Variants in CISTR observed in about 807,000 individuals in gnomAD.
CISTR encodes chondrogenic regulator lncRNA.
chr12:53,755,333 G>GTA (rs1316184827), intron 1 of CISTR, among the ~76,000 whole-genome samples: 4 of 151,972 alleles, frequency 2.6e-5, no homozygotes, highest in Non-Finnish European at 5.9e-5. Context: ...GTGTGTGTGT[G>GTA]TGTGTGTGTG....
intron 2 of CISTR, among the ~76,000 whole-genome samples, chr12:53,747,445 C>T (rs1593109279): frequency 6.6e-6 from 1 of 152,146 alleles, no homozygotes; most frequent in East Asian, 1.9e-4. Context: ...GGCCAAGCTC[C>T]GTGGGGGTGG....
In CISTR at chr12:53,751,550, C is replaced by T. The variant is rs956828426; in HGVS notation, n.415-585G>A. Among the ~76,000 whole-genome samples, 2 of 152,186 alleles carry T rather than the reference C, an allele frequency of 1.3e-5. No individual in the cohort carries two copies. The highest frequency in any genetic ancestry group is 1.3e-4 in the Admixed American group (2 of 15,288). ...AGCTAAACGAGGCGCGCAGGACTCC[C>T]TGGTGGGCCCTCAGCCTCCTCCGCG... On this transcript the variant is annotated intron_variant and non_coding_transcript_variant, in intron 1 of 2. Transcript: ENST00000669269. This position sits in a 1 kb window ranked among gnomAD's most constrained non-coding sequence, Gnocchi z 4.6.
At chr12:53,747,427 A>G (rs1178291740) in intron 2 of CISTR, among the ~76,000 whole-genome samples, 3 of 151,772 alleles carry the variant, frequency 2.0e-5, no homozygotes, top group Admixed American at 2.0e-4. Flanking sequence ...TGGGGGAGAA[A>G]CCCAGTGGGC....
chr12:53,749,623 C>T (rs1815069041), intron 2 of CISTR, among the ~76,000 whole-genome samples: 1 of 152,032 alleles, frequency 6.6e-6, no homozygotes, highest in Non-Finnish European at 1.5e-5. Flanking sequence ...TCTCCTTTAA[C>T]ATAGCAGGTT....
chr12:53,752,107 AC>A (rs1937859338), intron 1 of CISTR, among the ~76,000 whole-genome samples: 1 of 149,276 alleles, frequency 6.7e-6, no homozygotes, highest in Non-Finnish European at 1.5e-5. Context: ...CGCTGCCTAC[AC>A]CCCCTTGGGC....
intron 1 of CISTR, among the ~76,000 whole-genome samples, chr12:53,752,029 C>A (rs1009382582): frequency 6.6e-6 from 1 of 152,066 alleles, no homozygotes; most frequent in Admixed American, 6.5e-5. Flanking sequence ...ACTTTCTCCG[C>A]CCCGCACCGC....
rs1479670562 is a variant in CISTR at position 53,756,116 on chromosome 12, G to T, written n.414+698C>A. Among the ~76,000 whole-genome samples the T allele has an allele frequency of 2.0e-5, 3 of 152,134 alleles. No individual in the cohort carries two copies. Among genetic ancestry groups the T allele is most frequent in the Admixed American group, 2.0e-4 (3 of 15,278 alleles). On this transcript the variant is annotated intron_variant and non_coding_transcript_variant, in intron 1 of 2. Coordinates refer to ENST00000669269, the Ensembl canonical transcript of CISTR. This position sits in a 1 kb window ranked among gnomAD's most constrained non-coding sequence, Gnocchi z 4.0. ...ATTTCCTGTGGCCTTTTCATTTCCT[G>T]CTGGGGGTTGTGGAGAGCAATAAGC...
intron 1 of CISTR, among the ~76,000 whole-genome samples, chr12:53,753,665 GGTGTGTGTGTGT>G (rs55769002): frequency 7.4e-4 from 104 of 141,312 alleles, no homozygotes; most frequent in East Asian, 1.9e-3. Context: ...AATGCATAGG[GGTGTGTGTGTGT>G]GTGTGTGTGT....
At chr12:53,752,759 G>C (rs1359476488) in intron 1 of CISTR, among the ~76,000 whole-genome samples, 1 of 152,198 alleles carries the variant, frequency 6.6e-6, no homozygotes, top group Admixed American at 6.5e-5. Flanking sequence ...TGCAAGAAGT[G>C]CTGCTGAGTG....
Position 53,751,967 on chromosome 12 carries a change from C to G in CISTR, n.415-1002G>C, listed in dbSNP as rs1374546101. On this transcript the variant is annotated intron_variant and non_coding_transcript_variant, in intron 1 of 2. Coordinates refer to ENST00000669269, the Ensembl canonical transcript of CISTR. The surrounding 1 kb of genome is among the most constrained non-coding windows in gnomAD (Gnocchi z 4.6). ...TTTTGCCGCAGTCTCCGTCTCTCTTCCACAGGGTCTCTCCCTCCCCCTCTC... is the reference window on the plus strand; with the variant it reads ...TTTTGCCGCAGTCTCCGTCTCTCTTGCACAGGGTCTCTCCCTCCCCCTCTC... The G allele has an allele frequency of 6.5e-6, 1 of 153,464 alleles. No homozygotes were observed. The highest frequency in any genetic ancestry group is 6.5e-5 in the Admixed American group (1 of 15,268). 9.5% of individuals were successfully genotyped at this position (153,464 alleles called of 1,614,324 possible). A position where few individuals can be genotyped will look rare whatever the true frequency, so the allele number is the denominator to read the frequency against.
chr12:53,753,706 G>A (rs1025466195), intron 1 of CISTR, among the ~76,000 whole-genome samples: 1 of 135,308 alleles, frequency 7.4e-6, no homozygotes, highest in East Asian at 2.1e-4. Flanking sequence ...GTGTGTGTAT[G>A]TGTGTGTGTC....
intron 1 of CISTR, among the ~76,000 whole-genome samples, chr12:53,755,580 C>T (rs745562727): frequency 9.0e-5 from 12 of 133,258 alleles, no homozygotes; most frequent in Non-Finnish European, 1.9e-4. Flanking sequence ...AATGGAATGA[C>T]CCAGCTCCTG....
At chr12:53,755,113 T>A (rs965668782) in intron 1 of CISTR, among the ~76,000 whole-genome samples, 1 of 152,208 alleles carries the variant, frequency 6.6e-6, no homozygotes, top group Non-Finnish European at 1.5e-5. Flanking sequence ...TGCTATGTGA[T>A]CCTTGAGCAG....
chr12:53,749,261 G>T (rs1565658595), intron 2 of CISTR, among the ~76,000 whole-genome samples: 1 of 151,596 alleles, frequency 6.6e-6, no homozygotes. Flanking sequence ...GAAAGACAGA[G>T]GTGGAGAAAG....
Position 53,756,128 on chromosome 12 carries a change from G to A in CISTR, n.414+686C>T, listed in dbSNP as rs1937912212. The stretch of plus-strand genomic sequence containing the variant: ...CTTTTCATTTCCTGCTGGGGGTTGT[G>A]GAGAGCAATAAGCAAGGTGGGTGGC... On this transcript the variant is annotated intron_variant and non_coding_transcript_variant, in intron 1 of 2. Transcript: ENST00000669269. The surrounding 1 kb of genome is among the most constrained non-coding windows in gnomAD (Gnocchi z 4.0). Among the ~76,000 whole-genome samples, 1 of 152,158 alleles carries A rather than the reference G, an allele frequency of 6.6e-6. No homozygotes were observed. Among genetic ancestry groups the A allele is most frequent in the Non-Finnish European group, 1.5e-5 (1 of 68,028 alleles).
chr12:53,753,329 G>A (rs776061621), intron 1 of CISTR, among the ~76,000 whole-genome samples: 12 of 152,160 alleles, frequency 7.9e-5, no homozygotes, highest in Non-Finnish European at 8.8e-5. Flanking sequence ...GGTAAGATGA[G>A]GCTGGTCGTC....
chr12:53,753,049 A>T (rs1009918045), intron 1 of CISTR, among the ~76,000 whole-genome samples: 10 of 103,494 alleles, frequency 9.7e-5, no homozygotes, highest in Admixed American at 9.5e-5. Flanking sequence ...TCCCATCTAT[A>T]CATCACACAC....
chr12:53,750,569 T>C (rs1014801481), exon 2 of CISTR: 3 of 152,372 alleles, frequency 2.0e-5, no homozygotes, highest in Admixed American at 1.3e-4. Flanking sequence ...AGGTGTGTAC[T>C]TAAGTTTGCA....
At chr12:53,746,559 A>C (rs556429255) in exon 3 of CISTR, among the ~76,000 whole-genome samples, 2 of 152,326 alleles carry the variant, frequency 1.3e-5, no homozygotes, top group South Asian at 2.1e-4. Flanking sequence ...TAGGAGAACG[A>C]GAAATGGAAG....
Sources: allele counts gnomAD v4.1 joint callset (sites outside exome capture counted in the v4.1 genomes callset), GRCh38; gene constraint gnomAD v4.1.1; non-coding constraint Gnocchi (gnomAD v3.1); transcripts MANE v1.5; gene names NCBI Gene and HGNC (gene_info 2026-07-23, HGNC 2026-07-21).